The following ELMO1 variants were observed in gnomAD, a reference collection of about 807,000 sequenced individuals.
The protein encoded by ELMO1 is engulfment and cell motility protein 1.
ELMO1 carries 26 observed loss-of-function variants against 98.9 expected under a neutral mutation model. The observed-to-expected ratio is 0.26, with a 90% CI of 0.19 to 0.36. The LOEUF (loss-of-function observed/expected upper bound fraction) is 0.36. ELMO1 is among the 10% of genes least tolerant of loss of function. The probability of loss-of-function intolerance (pLI) is 1.00; values close to 1 mark genes in which losing one functional copy is unlikely to be tolerated. For synonymous variants in ELMO1, 346 were observed against 346.0 expected, an observed-to-expected ratio of 1.00 and a Z score of 0.00; for missense variants, 627 against 935.2, an observed-to-expected ratio of 0.67 and a Z score of 4.30.
In ELMO1 at chr7:37,216,657, G is replaced by A. The variant is rs751020192; in HGVS notation, c.819C>T (p.Ser273=). ...ANILAQKQLR[S]IILTHVIRAQ... is the part of the protein sequence containing the mutation. ...CATAGGTACTCACTGTTAAAATGAT[G>A]GAACGCAGTTGCTTCTGAGCCAAAA... Residue 273 remains serine (S), a synonymous_variant, in exon 11 of 22, where the codon TCC becomes TCT. Coordinates refer to ENST00000310758, the MANE Select transcript of ELMO1 (RefSeq NM_014800.11). 6.2e-7 allele frequency: 1 copy of A among 1,614,116 alleles called. No homozygotes were observed. The highest frequency in any genetic ancestry group is 8.5e-7 in the Non-Finnish European group (1 of 1,180,000).
At chr7:36,981,767 A>G (rs1345059649) in intron 16 of ELMO1, among the ~76,000 whole-genome samples, 1 of 152,224 alleles carries the variant, frequency 6.6e-6, no homozygotes, top group African/African-American at 2.4e-5. Flanking sequence ...CTTGCCAAAC[A>G]GTGTAATGGA....
In ELMO1 at chr7:37,096,718, C is replaced by G. The variant is rs1584637165; in HGVS notation, c.1201G>C (p.Glu401Gln). 9 of 1,614,014 alleles carry G rather than the reference C, an allele frequency of 5.6e-6. No homozygotes were observed. Among genetic ancestry groups the G allele is most frequent in the Non-Finnish European group, 6.8e-6 (8 of 1,179,910 alleles). ...TGCTTGTCTTCTCGACTACTGTTCTCAAGCACAATCTGTAATGGGAAAGGG... is the reference window on the plus strand; with the variant it reads ...TGCTTGTCTTCTCGACTACTGTTCTGAAGCACAATCTGTAATGGGAAAGGG... ...HQDAYIRIVL[E>Q]NSSREDKHEC... is the part of the protein sequence containing the mutation. The change falls in exon 15 of 22, where the codon GAG becomes CAG. Residue 401 changes from glutamate to glutamine, a missense_variant. By Grantham distance (29) the Glu-to-Gln change is conservative. Coordinates refer to ENST00000310758, the MANE Select transcript of ELMO1 (RefSeq NM_014800.11).
At chr7:37,148,182 C>G (rs1270441472) in intron 13 of ELMO1, among the ~76,000 whole-genome samples, 2 of 152,156 alleles carry the variant, frequency 1.3e-5, no homozygotes, top group African/African-American at 4.8e-5. Flanking sequence ...CTGTGCAAGA[C>G]AGAAATGATA....
chr7:37,120,081 C>T (rs905833162), intron 14 of ELMO1, among the ~76,000 whole-genome samples: 5 of 152,180 alleles, frequency 3.3e-5, no homozygotes, highest in African/African-American at 1.2e-4. Context: ...ATACAAATTC[C>T]GTTGGGTAAC....
At chr7:36,922,144 G>C (rs189239012) in intron 16 of ELMO1, among the ~76,000 whole-genome samples, 2 of 152,230 alleles carry the variant, frequency 1.3e-5, no homozygotes, top group East Asian at 3.9e-4. Flanking sequence ...TTGTGCAACT[G>C]AAGTAATTTA....
chr7:36,926,060 C>T (rs1164501309), intron 16 of ELMO1, among the ~76,000 whole-genome samples: 1 of 152,168 alleles, frequency 6.6e-6, no homozygotes, highest in African/African-American at 2.4e-5. Context: ...TTCATTCTTC[C>T]ATCCCCAGAA....
chr7:37,168,483 C>A (rs984809543), intron 13 of ELMO1, among the ~76,000 whole-genome samples: 6 of 152,032 alleles, frequency 3.9e-5, no homozygotes, highest in African/African-American at 1.5e-4. Flanking sequence ...TACTTTTGGT[C>A]TTTGATGATG....
At chr7:37,087,758 T>C (rs1485480046) in intron 15 of ELMO1, among the ~76,000 whole-genome samples, 2 of 150,238 alleles carry the variant, frequency 1.3e-5, no homozygotes, top group Admixed American at 6.6e-5. Context: ...CCATTTATCA[T>C]TATTTTTTAT....
At chr7:37,002,796 G>A (rs556950248) in intron 16 of ELMO1, among the ~76,000 whole-genome samples, 327 of 152,344 alleles carry the variant, frequency 2.1e-3, no homozygotes, top group African/African-American at 7.6e-3. Flanking sequence ...GTACCTTCTA[G>A]ATCCTAGGCA....
At chr7:37,139,025 C>T (rs750020589) in intron 13 of ELMO1, among the ~76,000 whole-genome samples, 37 of 152,128 alleles carry the variant, frequency 2.4e-4, no homozygotes, top group African/African-American at 7.5e-4. Flanking sequence ...AATCCAACAT[C>T]GCTTTATGAT....
intron 16 of ELMO1, among the ~76,000 whole-genome samples, chr7:36,917,166 A>G (rs993666973): frequency 3.9e-4 from 59 of 152,358 alleles, no homozygotes; most frequent in African/African-American, 1.4e-3. Context: ...AATTATTAAT[A>G]GTTTCAAATC....
intron 16 of ELMO1, among the ~76,000 whole-genome samples, chr7:36,934,807 C>A (rs1250524174): frequency 2.6e-5 from 4 of 152,122 alleles, no homozygotes; most frequent in Non-Finnish European, 5.9e-5. Flanking sequence ...AAGAAAAATG[C>A]ACAGAAGGAG....
intron 16 of ELMO1, among the ~76,000 whole-genome samples, chr7:36,997,109 T>C (rs1792272952): frequency 6.6e-6 from 1 of 152,022 alleles, no homozygotes; most frequent in Admixed American, 6.6e-5. Context: ...AAACACATCG[T>C]CTACACAAGA....
chr7:37,182,522 G>A (rs1279133022), intron 13 of ELMO1, among the ~76,000 whole-genome samples: 1 of 137,574 alleles, frequency 7.3e-6, no homozygotes, highest in African/African-American at 2.7e-5. Context: ...CCACGCTGGA[G>A]TGCAATGGCA....
At chr7:37,118,663 A>G (rs1330926378) in intron 14 of ELMO1, among the ~76,000 whole-genome samples, 1 of 152,178 alleles carries the variant, frequency 6.6e-6, no homozygotes, top group African/African-American at 2.4e-5. Context: ...GTGTGCTCAG[A>G]ACTTCACAAA....
chr7:37,181,680 T>C, intron 13 of ELMO1, among the ~76,000 whole-genome samples: 1 of 152,202 alleles, frequency 6.6e-6, no homozygotes, highest in East Asian at 1.9e-4. Context: ...ATATCACAGA[T>C]GAGTATGTGA....
At chr7:36,869,826 C>T (rs1433395552) in intron 20 of ELMO1, among the ~76,000 whole-genome samples, 3 of 152,188 alleles carry the variant, frequency 2.0e-5, no homozygotes, top group African/African-American at 7.2e-5. Context: ...ATACACACTT[C>T]TGGGAAAATT....
intron 4 of ELMO1, among the ~76,000 whole-genome samples, chr7:37,287,410 A>G (rs1797447847): frequency 6.6e-6 from 1 of 152,184 alleles, no homozygotes. Context: ...TCCACAGGCT[A>G]TAGTTGCTGA....
At chr7:37,351,141 C>T (rs1801247244) in intron 1 of ELMO1, 1 of 152,160 alleles carries the variant, frequency 6.6e-6, no homozygotes. Flanking sequence ...AATTTAGAGA[C>T]AGTGCTCGCT....
Sources: allele counts gnomAD v4.1 joint callset (sites outside exome capture counted in the v4.1 genomes callset), GRCh38; gene constraint gnomAD v4.1.1; transcripts MANE v1.5; gene names NCBI Gene and HGNC (gene_info 2026-07-23, HGNC 2026-07-21).